The following SLC22A15 variants were observed in gnomAD, a reference collection of about 807,000 sequenced individuals.
SLC22A15 encodes flipt 1.
A neutral mutation model predicts 62.7 loss-of-function variants in SLC22A15; 45 were observed. That is an observed-to-expected ratio of 0.72 (90% CI 0.56 to 0.92). The LOEUF is 0.92. SLC22A15 is among the 40% of genes least tolerant of loss of function. The pLI is 0.00. For synonymous variants in SLC22A15, 264 were observed against 267.0 expected (o/e 0.99, Z 0.11); for missense variants, 622 against 665.6 (o/e 0.93, Z 0.72).
At chr1:116,027,687 G>T (rs1271030997) in intron 5 of SLC22A15, among the ~76,000 whole-genome samples, 1 of 151,860 alleles carries the variant, frequency 6.6e-6, no homozygotes, top group Non-Finnish European at 1.5e-5. Flanking sequence ...GTGCAATGGT[G>T]TGATCTCGGC....
At chr1:115,981,500 AAC>A (rs1293088602) in intron 1 of SLC22A15, among the ~76,000 whole-genome samples, 3 of 152,190 alleles carry the variant, frequency 2.0e-5, no homozygotes, top group Non-Finnish European at 2.9e-5. Flanking sequence ...CAAAGAGACA[AAC>A]ACAGTGGTTT....
At chr1:116,037,209 T>C in intron 7 of SLC22A15, 94 bp from the exon 8 acceptor site, 1 of 1,105,058 alleles carries the variant, frequency 9.0e-7, no homozygotes, top group Non-Finnish European at 1.4e-6. Flanking sequence ...ACATATATAA[T>C]GAAACTGAAG....
rs1439277804 is a variant in SLC22A15, at chr1:116,069,734, C to T, written c.*2626C>T. On this transcript the variant is annotated 3_prime_UTR_variant, in exon 12 of 12. Transcript: ENST00000369503. ...TAGTATTTAAAAATGAGCAAATAAACAAAATGAGGCAAATAAATGAAGAAA... is the reference window on the plus strand; with the variant it reads ...TAGTATTTAAAAATGAGCAAATAAATAAAATGAGGCAAATAAATGAAGAAA... 1 of 152,022 alleles carries T rather than the reference C, an allele frequency of 6.6e-6. No individual in the cohort carries two copies. Among genetic ancestry groups the T allele is most frequent in the Non-Finnish European group, 1.5e-5 (1 of 67,982 alleles). The allele number at this position is 152,022 out of a possible 1,614,324, so 9.4% of individuals were successfully genotyped here.
At chr1:115,985,096 CATCCATTCACT>C (rs1654793515) in intron 1 of SLC22A15, among the ~76,000 whole-genome samples, 1 of 152,238 alleles carries the variant, frequency 6.6e-6, no homozygotes, top group South Asian at 2.1e-4. Flanking sequence ...TAGGCCTTCA[CATCCATTCACT>C]CCTCATTCAG....
At chr1:115,991,032 G>A (rs887700141) in intron 1 of SLC22A15, among the ~76,000 whole-genome samples, 4 of 152,096 alleles carry the variant, frequency 2.6e-5, no homozygotes, top group Admixed American at 2.6e-4. Flanking sequence ...TGCTGGGACT[G>A]CAGGAGCGAT....
At chr1:116,017,368 C>CAAAAAAAAAAAAAAA (rs558402209) in intron 2 of SLC22A15, 1 of 84,842 alleles carries the variant, frequency 1.2e-5, no homozygotes, top group Non-Finnish European at 2.4e-5. Flanking sequence ...GAAACCCTGC[C>CAAAAAAAAAAAAAAA]AAAAAAAAAA....
In SLC22A15 at chr1:116,011,444, G is replaced by A. The variant is rs1689145; in HGVS notation, c.301-8138G>A. Reference sequence around the variant, plus strand: ...CAATTAGGTAGTTCCCTGTATGCCCGTAAACCCACAACCTGATGCTTGAAG... The same window carrying A: ...CAATTAGGTAGTTCCCTGTATGCCCATAAACCCACAACCTGATGCTTGAAG... On this transcript the variant is annotated intron_variant, in intron 2 of 11. Coordinates refer to ENST00000369503, the MANE Select transcript of SLC22A15 (RefSeq NM_018420.3). 5.0e-3 allele frequency among the ~76,000 whole-genome samples: 764 copies of A among 152,238 alleles called. 9 individuals are homozygous for A. The highest frequency in any genetic ancestry group is 0.018 in the African/African-American group (733 of 41,536).
At chr1:116,063,135 T>C (rs894673556) in intron 9 of SLC22A15, among the ~76,000 whole-genome samples, 10 of 152,222 alleles carry the variant, frequency 6.6e-5, no homozygotes, top group Non-Finnish European at 1.3e-4. Context: ...GCTAGGCATA[T>C]TCTGTCACCC....
chr1:116,055,332 A>G (rs1216809093), intron 8 of SLC22A15, among the ~76,000 whole-genome samples: 1 of 152,106 alleles, frequency 6.6e-6, no homozygotes, highest in African/African-American at 2.4e-5. Context: ...CTCTACACAT[A>G]CACCCTCCCA....
intron 8 of SLC22A15, among the ~76,000 whole-genome samples, chr1:116,048,160 G>A (rs543202363): frequency 7.0e-4 from 107 of 152,256 alleles, no homozygotes; most frequent in African/African-American, 2.4e-3. Flanking sequence ...AAACATATTT[G>A]GGGGATTAAT....
intron 1 of SLC22A15, among the ~76,000 whole-genome samples, chr1:115,990,545 G>A (rs897224669): frequency 2.0e-5 from 3 of 152,088 alleles, no homozygotes; most frequent in Admixed American, 6.5e-5. Flanking sequence ...CCTCCTATTC[G>A]AAAACTTCTG....
chr1:116,022,660 A>G (rs1656899723), intron 4 of SLC22A15, among the ~76,000 whole-genome samples: 1 of 152,212 alleles, frequency 6.6e-6, no homozygotes, highest in African/African-American at 2.4e-5. Flanking sequence ...CTAGTTGCCT[A>G]AAGCCAGTGA....
intron 1 of SLC22A15, 148 bp downstream of exon 1, chr1:115,976,862 G>A (rs912049450): frequency 1.9e-6 from 1 of 539,556 alleles, no homozygotes; most frequent in East Asian, 3.7e-5. Context: ...TGGGGCAGGG[G>A]CGAGGCGCCG....
intron 1 of SLC22A15, among the ~76,000 whole-genome samples, chr1:115,977,164 G>T (rs1381644741): frequency 1.3e-5 from 2 of 152,204 alleles, no homozygotes; most frequent in Admixed American, 6.5e-5. Context: ...GTTGTGTCTA[G>T]GATCGCCTCC....
chr1:116,051,576 G>T (rs535891231), intron 8 of SLC22A15, among the ~76,000 whole-genome samples: 1 of 152,128 alleles, frequency 6.6e-6, no homozygotes, highest in African/African-American at 2.4e-5. Flanking sequence ...GATGGATTAA[G>T]GACTTAAATC....
intron 6 of SLC22A15, among the ~76,000 whole-genome samples, chr1:116,033,550 G>A (rs1054791962): frequency 1.2e-5 from 1 of 84,850 alleles, no homozygotes; most frequent in African/African-American, 4.4e-5. Flanking sequence ...TTTAAATAGG[G>A]GTGTCTCTGT....
intron 2 of SLC22A15, among the ~76,000 whole-genome samples, chr1:116,007,307 C>T (rs1656031840): frequency 6.6e-6 from 1 of 152,224 alleles, no homozygotes; most frequent in Admixed American, 6.5e-5. Context: ...CTCCACCCTC[C>T]CTCAGGGCTC....
At chr1:115,983,820 G>T (rs541364225) in intron 1 of SLC22A15, among the ~76,000 whole-genome samples, 40 of 152,312 alleles carry the variant, frequency 2.6e-4, no homozygotes, top group African/African-American at 9.6e-4. Flanking sequence ...AGGTGGACCA[G>T]CACATAAGTG....
Position 116,067,043 on chromosome 1 carries a change from G to T in SLC22A15, c.1579G>T (p.Gly527Trp). The change falls in exon 12 of 12, where the codon GGG (glycine) becomes TGG (tryptophan). Residue 527 changes from glycine (G) to tryptophan (W), a missense_variant. Coordinates refer to ENST00000369503, the MANE Select transcript of SLC22A15 (RefSeq NM_018420.3). ...QQCVDKESSL[G>W]SESEEEEEFY... Reference sequence around the variant, plus strand: ...GTGTGTGGACAAGGAGAGCTCTTTAGGGAGTGAGAGTGAGGAAGAGGAAGA... The same window carrying T: ...GTGTGTGGACAAGGAGAGCTCTTTATGGAGTGAGAGTGAGGAAGAGGAAGA... 1 of 1,612,666 alleles carries T rather than the reference G, an allele frequency of 6.2e-7. No individual in the cohort carries two copies. The highest frequency in any genetic ancestry group is 8.5e-7 in the Non-Finnish European group (1 of 1,179,444).
Sources: allele counts gnomAD v4.1 joint callset (sites outside exome capture counted in the v4.1 genomes callset), GRCh38; gene constraint gnomAD v4.1.1; transcripts MANE v1.5; gene names NCBI Gene and HGNC (gene_info 2026-07-23, HGNC 2026-07-21).